The following SLC5A8 variants were observed in gnomAD, a reference collection of about 807,000 sequenced individuals.
SLC5A8 encodes the protein solute carrier family 5 member 8.
A neutral mutation model predicts 71.9 loss-of-function variants in SLC5A8; 55 were observed. The ratio of observed to expected loss-of-function variants is 0.77; its 90% CI spans 0.62 to 0.96. The LOEUF (loss-of-function observed/expected upper bound fraction) is 0.96. SLC5A8 is among the 40% of genes least tolerant of loss of function. The pLI is 0.00. For missense variants in SLC5A8, 701 were observed against 745.3 expected (o/e 0.94, Z 0.69); for synonymous variants, 307 against 276.1 (o/e 1.11, Z -1.11).
chr12:101,157,930 A>C (rs1333907148), intron 14 of SLC5A8, among the ~76,000 whole-genome samples: 1 of 152,188 alleles, frequency 6.6e-6, no homozygotes, highest in African/African-American at 2.4e-5. Context: ...GATATACAAC[A>C]GATATAGGTT....
At chr12:101,193,534 GT>G in intron 5 of SLC5A8, 90 bp downstream of exon 5, 4 of 1,442,024 alleles carry the variant, frequency 2.8e-6, no homozygotes, top group Non-Finnish European at 3.7e-6. Flanking sequence ...TTGTTGGCTT[GT>G]TTTTTAATGT....
chr12:101,158,790 G>A (rs572657431), intron 13 of SLC5A8, among the ~76,000 whole-genome samples: 121 of 150,516 alleles, frequency 8.0e-4, no homozygotes, highest in African/African-American at 2.6e-3. Context: ...CATCTGCCCC[G>A]CTTCAGACAG....
At chr12:101,197,866 CA>C (rs1453566620) in intron 3 of SLC5A8, among the ~76,000 whole-genome samples, 1 of 151,916 alleles carries the variant, frequency 6.6e-6, no homozygotes, top group African/African-American at 2.4e-5. Context: ...ACATTACATC[CA>C]AAAAGCACAC....
Position 101,182,882 on chromosome 12 carries a change from T to A in SLC5A8, c.1086A>T (p.Ala362=), listed in dbSNP as rs764170341. Residue 362 remains alanine, a synonymous_variant, in exon 9 of 15, where the codon GCA becomes GCT. Transcript: ENST00000536262. ...GTTTGATTAGATCTTCCACAGTTAC[T>A]GCTGCTAAGGCATTAATACTGGAGG... The part of the protein sequence containing the change: ...TVSSSINALA[A]VTVEDLIKPY... 5.6e-6 allele frequency: 9 copies of A among 1,594,418 alleles called. No homozygotes were observed. The highest frequency in any genetic ancestry group is 6.0e-6 in the Non-Finnish European group (7 of 1,173,030).
At chr12:101,178,776 C>T (rs1190309118) in intron 10 of SLC5A8, among the ~76,000 whole-genome samples, 10 of 151,570 alleles carry the variant, frequency 6.6e-5, no homozygotes, top group East Asian at 5.8e-4. Flanking sequence ...ACACCAGAAA[C>T]ACAATCCATG....
chr12:101,159,902 G>C (rs2051708572), intron 13 of SLC5A8, among the ~76,000 whole-genome samples: 1 of 152,106 alleles, frequency 6.6e-6, no homozygotes, highest in Non-Finnish European at 1.5e-5. Flanking sequence ...CTTAAGACTG[G>C]GCATGGTGGT....
intron 11 of SLC5A8, among the ~76,000 whole-genome samples, chr12:101,166,944 T>G (rs190180964): frequency 1.1e-4 from 17 of 152,014 alleles, no homozygotes; most frequent in African/African-American, 3.1e-4. Flanking sequence ...AGGCCACTTT[T>G]AAGGAAGGCA....
chr12:101,192,604 T>C (rs1351908542), intron 5 of SLC5A8, among the ~76,000 whole-genome samples: 1 of 152,242 alleles, frequency 6.6e-6, no homozygotes, highest in Non-Finnish European at 1.5e-5. Context: ...GTCTCTTCAT[T>C]GTTCTTTCTT....
chr12:101,169,001 CGTT>C (rs1400661011), intron 10 of SLC5A8, among the ~76,000 whole-genome samples: 2 of 152,074 alleles, frequency 1.3e-5, no homozygotes, highest in African/African-American at 4.8e-5. Context: ...TTCTTGTTGT[CGTT>C]GTTGTTTTAA....
intron 6 of SLC5A8, among the ~76,000 whole-genome samples, 166 bp downstream of exon 6, chr12:101,190,302 T>C (rs1868838230): frequency 6.6e-6 from 1 of 152,232 alleles, no homozygotes; most frequent in Non-Finnish European, 1.5e-5. Context: ...ATTTAAAACA[T>C]ACAGTAACAA....
At chr12:101,209,400 G>A in intron 1 of SLC5A8, 98 bp downstream of exon 1, 1 of 839,900 alleles carries the variant, frequency 1.2e-6, no homozygotes, top group South Asian at 1.8e-5. Context: ...AGATTTCGAT[G>A]TGGCAGTGAC....
chr12:101,173,925 T>G (rs574906534), intron 10 of SLC5A8, among the ~76,000 whole-genome samples: 42 of 152,298 alleles, frequency 2.8e-4, no homozygotes, highest in Admixed American at 2.2e-3. Context: ...CCACCTCTGC[T>G]TCCTCCTCCT....
At chr12:101,174,268 C>T (rs759364823) in intron 10 of SLC5A8, among the ~76,000 whole-genome samples, 19 of 152,160 alleles carry the variant, frequency 1.2e-4, no homozygotes, top group Admixed American at 1.3e-4. Context: ...TCCCCAGGGG[C>T]GATGTCTCCT....
At chr12:101,194,041 C>T (rs188840129) in intron 4 of SLC5A8, among the ~76,000 whole-genome samples, 52 of 152,320 alleles carry the variant, frequency 3.4e-4, no homozygotes, top group Admixed American at 2.3e-3. Context: ...AGTGAAACTA[C>T]ATGGCATGCT....
intron 10 of SLC5A8, 131 bp from the exon 11 acceptor site, chr12:101,168,313 G>C (rs918122045): frequency 3.7e-6 from 3 of 810,580 alleles, no homozygotes; most frequent in Middle Eastern, 5.0e-4. Context: ...AGTCATGATA[G>C]CCTTATCACT....
intron 10 of SLC5A8, among the ~76,000 whole-genome samples, chr12:101,170,513 C>T (rs1219282965): frequency 6.6e-6 from 1 of 152,026 alleles, no homozygotes; most frequent in African/African-American, 2.4e-5. Flanking sequence ...AGCCTGAGAA[C>T]TGAAGAAGCC....
Position 101,164,232 on chromosome 12 carries a change from T to C in SLC5A8, c.1527-2155A>G, listed in dbSNP as rs112891593. On this transcript the variant is annotated intron_variant, in intron 12 of 14. Transcript: ENST00000536262. ...CAAAACATATCTCATATCTAGAATA[T>C]GTCATGAACTTCTATGTAAGTAAGA... Among the ~76,000 whole-genome samples the C allele has an allele frequency of 4.5e-3, 692 of 152,296 alleles. 9 individuals carry two copies. Among genetic ancestry groups the C allele is most frequent in the African/African-American group, 0.016 (671 of 41,570 alleles).
intron 3 of SLC5A8, among the ~76,000 whole-genome samples, chr12:101,200,792 G>A (rs1869427433): frequency 6.6e-6 from 1 of 152,040 alleles, no homozygotes; most frequent in African/African-American, 2.4e-5. Flanking sequence ...AGTGATGAAT[G>A]AGCACATTAA....
At chr12:101,166,772 CA>C (rs2051775807) in intron 11 of SLC5A8, 73 bp from the exon 12 acceptor site, 2 of 1,357,100 alleles carry the variant, frequency 1.5e-6, no homozygotes, top group Non-Finnish European at 2.0e-6. Flanking sequence ...ATTAGAAAGC[CA>C]AGTTCAACAT....
Sources: gnomAD v4.1 joint callset for allele counts (sites outside exome capture counted in the v4.1 genomes callset) on GRCh38, gnomAD v4.1.1 for gene constraint, MANE v1.5 for transcripts, NCBI Gene and HGNC (gene_info 2026-07-23, HGNC 2026-07-21) for gene names.